ALS2CL: variants seen among roughly 807,000 people sequenced by gnomAD.
ALS2CL encodes the protein ALS2 C-terminal-like protein.
Under a neutral mutation model 127.9 loss-of-function variants are expected in ALS2CL, and 112 were observed. That is an observed-to-expected ratio of 0.88 (90% CI 0.75 to 1.02). The LOEUF (loss-of-function observed/expected upper bound fraction) is 1.02, where lower values mean the gene tolerates loss of function less well. ALS2CL is among the 50% of genes least tolerant of loss of function. ALS2CL has a pLI of 0.00. For synonymous variants in ALS2CL, 519 were observed against 527.6 expected (o/e 0.98, Z 0.22); for missense variants, 1,174 against 1,236.7 (o/e 0.95, Z 0.76).
At chr3:46,685,454 A>G in intron 7 of ALS2CL, 71 bp downstream of exon 7, 1 of 1,581,106 alleles carries the variant, frequency 6.3e-7, no homozygotes, top group Non-Finnish European at 8.6e-7. Flanking sequence ...ATGCCCCTTT[A>G]CTGCTCCTTT....
Position 46,676,382 on chromosome 3 carries a change from G to A in ALS2CL, c.2049C>T (p.His683=), listed in dbSNP as rs868693309. Residue 683 remains histidine (H), a synonymous_variant, in exon 19 of 26, where the codon CAC becomes CAT. Transcript: ENST00000318962. ...GTGTCCGGAGCAGCTTTCCCAGGGG[G>A]TGCAGTGAGTTGCTCAGAGCCTGGG... ...YLRKALSNSL[H]PLGKLLRTLM... 3 of 1,613,914 alleles carry A rather than the reference G, an allele frequency of 1.9e-6. No individual in the cohort carries two copies. Among genetic ancestry groups the A allele is most frequent in the Non-Finnish European group, 2.5e-6 (3 of 1,179,966 alleles).
At position 46,691,765 on chromosome 3, in the gene ALS2CL, C is replaced by T. The variant is rs1200011348; in HGVS notation, c.-26+1878G>A. ...TAGAGATGGGATCTCACTATGTTGA[C>T]GAGGCTGGTCTCAAACTCCTAGCCT... On this transcript the variant is annotated intron_variant, in intron 1 of 25. Transcript: ENST00000318962. 2.1e-5 allele frequency among the ~76,000 whole-genome samples: 3 copies of T among 145,956 alleles called. No homozygotes were observed. In the Admixed American group the frequency reaches 2.1e-4, roughly 10 times the overall value.
intron 1 of ALS2CL, among the ~76,000 whole-genome samples, chr3:46,691,040 C>G (rs1700120242): frequency 6.6e-6 from 1 of 152,192 alleles, no homozygotes; most frequent in Admixed American, 6.5e-5. Context: ...ACCAGACACC[C>G]AGCTGCAGCT....
chr3:46,688,245 T>A lies in ALS2CL; in HGVS notation c.155A>T (p.Gln52Leu). The change falls in exon 3 of 26, where the codon CAG (glutamine) becomes CTG (leucine). Residue 52 changes from glutamine (Q) to leucine (L), a missense_variant. Gln to Leu is a moderately radical substitution (Grantham distance 113). Transcript: ENST00000318962. ...WGRECLRLLQ[Q>L]LHKSSQQLWE... ...GAGTTGCTGGGAGCTCTTGTGCAGC[T>A]GTTGCAAGAGCCGCAGGCACTCTCT... The A allele has an allele frequency of 6.2e-7, 1 of 1,612,936 alleles. No individual in the cohort carries two copies. The highest frequency in any genetic ancestry group is 1.1e-5 in the South Asian group (1 of 91,076).
In ALS2CL at chr3:46,677,934, G is replaced by C. The variant is rs188920379; in HGVS notation, c.1757+325C>G. ...TCCCTTTCTTTTAAGGTTAACATAT[G>C]CTCTTATTTTCTATTTTTTTTTTCC... On this transcript the variant is annotated intron_variant, in intron 16 of 25. Coordinates refer to ENST00000318962, the MANE Select transcript of ALS2CL (RefSeq NM_147129.5). Among the ~76,000 whole-genome samples, 574 of 145,938 alleles carry C rather than the reference G, an allele frequency of 3.9e-3. 5 individuals carry two copies. The highest frequency in any genetic ancestry group is 0.014 in the African/African-American group (527 of 38,548).
intron 1 of ALS2CL, among the ~76,000 whole-genome samples, chr3:46,691,399 C>A (rs1038303600): frequency 6.6e-6 from 1 of 152,090 alleles, no homozygotes; most frequent in African/African-American, 2.4e-5. Flanking sequence ...GTAAATAACT[C>A]GCTGCTAGGA....
chr3:46,680,046 C>T (rs940788952), intron 14 of ALS2CL: 3 of 216,226 alleles, frequency 1.4e-5, no homozygotes, highest in African/African-American at 2.2e-5. Flanking sequence ...ATAATGACAT[C>T]AACCTGCAGG....
intron 16 of ALS2CL, among the ~76,000 whole-genome samples, 191 bp downstream of exon 16, chr3:46,678,068 A>C (rs143979606): frequency 3.5e-4 from 52 of 150,640 alleles, no homozygotes; most frequent in African/African-American, 1.2e-3. Flanking sequence ...TTTGTGGTGT[A>C]CCGCATTATA....
intron 14 of ALS2CL, 97 bp from the exon 15 acceptor site, chr3:46,679,384 C>A: frequency 9.5e-7 from 1 of 1,057,734 alleles, no homozygotes; most frequent in Non-Finnish European, 1.4e-6. Flanking sequence ...GAGATGTGCC[C>A]TGACACATGG....
At chr3:46,673,417 C>T (rs1457370282) in intron 21 of ALS2CL, 36 bp from the exon 22 acceptor site, 47 of 1,550,730 alleles carry the variant, frequency 3.0e-5, no homozygotes, top group East Asian at 1.7e-4. Flanking sequence ...GGCTCTGCCT[C>T]GACAAGGGGC....
intron 14 of ALS2CL, 98 bp downstream of exon 14, chr3:46,680,332 C>T: frequency 7.6e-7 from 1 of 1,317,228 alleles, no homozygotes; most frequent in Admixed American, 1.8e-5. Context: ...ACACAGCCCC[C>T]TTTCCCATCC....
At chr3:46,680,642 C>T (rs1699244126) in intron 13 of ALS2CL, 101 bp from the exon 14 acceptor site, 2 of 965,012 alleles carry the variant, frequency 2.1e-6, no homozygotes, top group Admixed American at 2.0e-5. Context: ...AGATAAGGGG[C>T]AGTGACATCA....
chr3:46,690,204 G>C lies in ALS2CL; in HGVS notation c.-25-739C>G, dbSNP rs945900762. ...ATGGAGGACTTTAGAGCAAGGTAAT[G>C]ATGGGATCCAAAGTCACATTTGGGG... On this transcript the variant is annotated intron_variant, in intron 1 of 25. Transcript: ENST00000318962. 7.2e-5 allele frequency among the ~76,000 whole-genome samples: 11 copies of C among 152,246 alleles called. 1 individual carries two copies. Among genetic ancestry groups the C allele is most frequent in the Admixed American group, 7.2e-4 (11 of 15,292 alleles).
At chr3:46,672,743 C>T (rs1219686570) in intron 22 of ALS2CL, among the ~76,000 whole-genome samples, 1 of 152,166 alleles carries the variant, frequency 6.6e-6, no homozygotes, top group Non-Finnish European at 1.5e-5. Context: ...GCCTGTAATC[C>T]CACCACTTTA....
At position 46,672,122 on chromosome 3, in the gene ALS2CL, A is replaced by G. The variant is rs775372245; in HGVS notation, c.2534+18T>C. ...CACTCTGCCTCCGGACCCCCAACCC[A>G]CTACGGCTCACACTCACATGATCTT... On this transcript the variant is annotated intron_variant, in intron 23 of 25. Coordinates refer to ENST00000318962, the MANE Select transcript of ALS2CL (RefSeq NM_147129.5). 5 of 1,613,998 alleles carry G rather than the reference A, an allele frequency of 3.1e-6. No homozygotes were observed.
In ALS2CL at chr3:46,681,152, G is replaced by T; in HGVS notation, c.1436+94C>A. ...TGAGGGGCTTAAGAGAGACACAGTG[G>T]GGGACAAACAGGAGCCTGTGTCCTG... is the stretch of plus-strand genomic sequence containing the variant. On this transcript the variant is annotated intron_variant, in intron 13 of 25. Transcript: ENST00000318962. The surrounding 1 kb of genome is among the most constrained non-coding windows in gnomAD (Gnocchi z 4.9). The T allele has an allele frequency of 6.4e-7, 1 of 1,566,516 alleles. No individual in the cohort carries two copies. Among genetic ancestry groups the T allele is most frequent in the South Asian group, 1.1e-5 (1 of 89,998 alleles).
Position 46,686,458 on chromosome 3 carries a change from G to A in ALS2CL, c.535-19C>T, listed in dbSNP as rs1397873463. ...GGTGATGCTGAAGGGGGACAGGGCA[G>A]CCAGTGAGAGGAGAGCTTACTGGAA... On this transcript the variant is annotated intron_variant, in intron 5 of 25. Coordinates refer to ENST00000318962, the MANE Select transcript of ALS2CL (RefSeq NM_147129.5). The surrounding 1 kb of genome is among the most constrained non-coding windows in gnomAD (Gnocchi z 4.3). 1.4e-5 allele frequency: 22 copies of A among 1,607,520 alleles called. No homozygotes were observed. Among genetic ancestry groups the A allele is most frequent in the Non-Finnish European group, 1.9e-5 (22 of 1,176,756 alleles).
rs1698241923 is a variant in ALS2CL at position 46,669,571 on chromosome 3, C to T, written c.*1413G>A. The T allele has an allele frequency of 6.6e-6, 1 of 152,274 alleles. No individual in the cohort carries two copies. Among genetic ancestry groups the T allele is most frequent in the Non-Finnish European group, 1.5e-5 (1 of 68,084 alleles). 9.4% of individuals were successfully genotyped at this position (152,274 alleles called of 1,614,324 possible). On this transcript the variant is annotated 3_prime_UTR_variant, in exon 26 of 26. Coordinates refer to ENST00000318962, the MANE Select transcript of ALS2CL (RefSeq NM_147129.5). ...AGAATCCTAGTGAGCTGCCCCAGTC[C>T]CGGTAAGCATGAGTGCCTGCATATC...
chr3:46,676,827 A>T, intron 17 of ALS2CL, 22 bp downstream of exon 17: 1 of 1,354,160 alleles, frequency 7.4e-7, no homozygotes, highest in Non-Finnish European at 1.0e-6. Flanking sequence ...TAACCTGTGC[A>T]TGCTCACACA....
Sources: allele counts gnomAD v4.1 joint callset (sites outside exome capture counted in the v4.1 genomes callset), GRCh38; gene constraint gnomAD v4.1.1; non-coding constraint Gnocchi (gnomAD v3.1); transcripts MANE v1.5; gene names NCBI Gene and HGNC (gene_info 2026-07-23, HGNC 2026-07-21).